The following B4GALT3 variants were observed in gnomAD, a reference collection of about 807,000 sequenced individuals.
The protein encoded by B4GALT3 is beta-1,4-galactosyltransferase 3.
A neutral mutation model predicts 40.7 loss-of-function variants in B4GALT3; 29 were observed. That is an observed-to-expected ratio of 0.71 (90% CI 0.53 to 0.97). B4GALT3 has a LOEUF of 0.97. B4GALT3 is among the 50% of genes least tolerant of loss of function. The probability of loss-of-function intolerance (pLI) is 0.00; values close to 1 mark genes in which losing one functional copy is unlikely to be tolerated. For missense variants in B4GALT3, 390 were observed against 522.3 expected (o/e 0.75, Z 2.47); for synonymous variants, 182 against 203.9 (o/e 0.89, Z 0.92).
Position 161,176,420 on chromosome 1 carries a change from A to G in B4GALT3, c.-15+14T>C. 1 of 400,306 alleles carries G rather than the reference A, an allele frequency of 2.5e-6. No homozygotes were observed. The highest frequency in any genetic ancestry group is 4.6e-6 in the Non-Finnish European group (1 of 217,444). The allele number at this position is 400,306 out of a possible 1,614,324, so 24.8% of individuals were successfully genotyped here. ...CCCCCTCTTCCAATTTTAGAAGGGA[A>G]GAGATAGACTCACCTAGGTTCAAGC... On this transcript the variant is annotated intron_variant, in intron 2 of 7. Coordinates refer to ENST00000319769, the MANE Select transcript of B4GALT3 (RefSeq NM_003779.4).
intron 1 of B4GALT3, chr1:161,176,894 G>T: frequency 6.5e-7 from 1 of 1,536,238 alleles, no homozygotes; most frequent in South Asian, 1.2e-5. Context: ...CAGGACCGTG[G>T]AGTGGCCTAA....
intron 1 of B4GALT3, 158 bp from the exon 2 acceptor site, chr1:161,176,737 C>G: frequency 1.2e-6 from 1 of 833,768 alleles, no homozygotes; most frequent in Non-Finnish European, 1.9e-6. Context: ...CCCGTGCTAC[C>G]CTGGAATGAT....
chr1:161,175,042 G>A lies in B4GALT3; in HGVS notation c.440C>T (p.Pro147Leu). ...HLRLLLYHLH[P>L]FLQRQQLAYG... ...AGCAAGCTGCTGGCGCTGCAAGAAGGGGTGCAGGTGGTAGAGCAGCAGGCG... is the reference window on the plus strand; with the variant it reads ...AGCAAGCTGCTGGCGCTGCAAGAAGAGGTGCAGGTGGTAGAGCAGCAGGCG... The change falls in exon 4 of 8, where the codon CCC becomes CTC. Residue 147 changes from proline to leucine, a missense_variant. Physicochemically the swap from Pro to Leu is moderately conservative, Grantham distance 98. Coordinates refer to ENST00000319769, the MANE Select transcript of B4GALT3 (RefSeq NM_003779.4). 1.2e-6 allele frequency: 2 copies of A among 1,614,018 alleles called. No individual in the cohort carries two copies. The highest frequency in any genetic ancestry group is 1.7e-6 in the Non-Finnish European group (2 of 1,179,966).
At chr1:161,172,479 G>A in intron 6 of B4GALT3, 148 bp from the exon 7 acceptor site, 1 of 668,426 alleles carries the variant, frequency 1.5e-6, no homozygotes, top group Non-Finnish European at 2.5e-6. Flanking sequence ...CAGAAAGAAG[G>A]AAATGGCTGA....
At chr1:161,175,608 A>G (rs146832614) in intron 3 of B4GALT3, among the ~76,000 whole-genome samples, 200 bp downstream of exon 3, 3 of 152,222 alleles carry the variant, frequency 2.0e-5, no homozygotes, top group South Asian at 2.1e-4. Flanking sequence ...TGGAAACCCA[A>G]TAGTCTAATC....
At chr1:161,176,780 C>G in intron 1 of B4GALT3, 1 of 1,375,302 alleles carries the variant, frequency 7.3e-7, no homozygotes, top group South Asian at 1.3e-5. Context: ...CACCCCCGTA[C>G]CCCCACCCCA....
rs1187906528 is a variant in B4GALT3 at position 161,176,050 on chromosome 1, C to T, written c.11G>A (p.Arg4Lys). Residue 4 changes from arginine to lysine, a missense_variant, in exon 3 of 8, where the codon AGG becomes AAG. Arg to Lys is a conservative substitution (Grantham distance 26). Transcript: ENST00000319769. MLRRLLERPCTLAL... is the reference protein window; with the variant it reads MLRKLLERPCTLAL... ...CAGCGTGCAAGGCCGCTCCAGCAGC[C>T]TCCGCAACATCCTGGGGGTGAGATC... 1.9e-6 allele frequency: 3 copies of T among 1,614,046 alleles called. No homozygotes were observed. Among genetic ancestry groups the T allele is most frequent in the Non-Finnish European group, 2.5e-6 (3 of 1,179,990 alleles).
intron 2 of B4GALT3, 113 bp from the exon 3 acceptor site, chr1:161,176,187 CAA>C (rs1663448768): frequency 8.2e-7 from 1 of 1,222,006 alleles, no homozygotes; most frequent in Non-Finnish European, 1.1e-6. Context: ...AAGCAGAAAA[CAA>C]AGTCACAGAA....
intron 4 of B4GALT3, among the ~76,000 whole-genome samples, chr1:161,174,554 A>C (rs897514858): frequency 6.6e-6 from 1 of 152,204 alleles, no homozygotes; most frequent in Non-Finnish European, 1.5e-5. Context: ...TATGGACCTG[A>C]TACTTAAGAT....
intron 4 of B4GALT3, among the ~76,000 whole-genome samples, chr1:161,174,409 AAAAAAAAAG>A (rs1025219187): frequency 2.6e-5 from 4 of 152,050 alleles, no homozygotes; most frequent in Non-Finnish European, 2.9e-5. Context: ...TCTCAAAAAA[AAAAAAAAAG>A]AAAAAAAAGA....
At chr1:161,175,648 T>C (rs1483275624) in intron 3 of B4GALT3, among the ~76,000 whole-genome samples, 160 bp downstream of exon 3, 1 of 152,130 alleles carries the variant, frequency 6.6e-6, no homozygotes, top group Non-Finnish European at 1.5e-5. Flanking sequence ...CTACTCTATC[T>C]CAACCTCAGC....
At chr1:161,174,782 G>A in intron 4 of B4GALT3, 1 of 546,750 alleles carries the variant, frequency 1.8e-6, no homozygotes, top group Non-Finnish European at 3.2e-6. Flanking sequence ...AATCACAGGA[G>A]AGTGTAGGAC....
rs767892217 is a variant in B4GALT3, at chr1:161,171,705, C to A, written c.*111G>T. On this transcript the variant is annotated 3_prime_UTR_variant, in exon 8 of 8. Transcript: ENST00000319769. ...GAGAGGCCCCTACCCCCTAGCACGGCACCAGAGTTCAGTTCCCTCACATCC... is the reference window on the plus strand; with the variant it reads ...GAGAGGCCCCTACCCCCTAGCACGGAACCAGAGTTCAGTTCCCTCACATCC... The A allele has an allele frequency of 1.3e-5, 19 of 1,455,726 alleles. No homozygotes were observed. Among genetic ancestry groups the A allele is most frequent in the Non-Finnish European group, 1.7e-5 (18 of 1,072,210 alleles). 90.2% of individuals were successfully genotyped at this position (1,455,726 alleles called of 1,614,324 possible). A position where few individuals can be genotyped will look rare whatever the true frequency, so the allele number is the denominator to read the frequency against.
At chr1:161,172,435 C>T in intron 6 of B4GALT3, 104 bp from the exon 7 acceptor site, 1 of 968,452 alleles carries the variant, frequency 1.0e-6, no homozygotes, top group East Asian at 2.7e-5. Flanking sequence ...ACTTAGTAGG[C>T]AAAAGAAAAA....
chr1:161,174,341 G>C (rs1412853705), intron 4 of B4GALT3, among the ~76,000 whole-genome samples: 1 of 151,324 alleles, frequency 6.6e-6, no homozygotes, highest in Non-Finnish European at 1.5e-5. Flanking sequence ...CCGGGAGGTG[G>C]AGCTTGCAGT....
intron 2 of B4GALT3, 179 bp from the exon 3 acceptor site, chr1:161,176,253 C>T (rs896361621): frequency 1.9e-5 from 13 of 697,864 alleles, no homozygotes; most frequent in African/African-American, 1.4e-4. Context: ...CCACCAGTAA[C>T]CCTACCACCT....
At chr1:161,174,776 A>G in intron 4 of B4GALT3, 1 of 550,190 alleles carries the variant, frequency 1.8e-6, no homozygotes, top group Non-Finnish European at 3.2e-6. Context: ...AGAAAAAATC[A>G]CAGGAGAGTG....
chr1:161,175,287 T>A, intron 3 of B4GALT3, 59 bp from the exon 4 acceptor site: 1 of 1,487,904 alleles, frequency 6.7e-7, no homozygotes, highest in Non-Finnish European at 9.3e-7. Context: ...AGAATCAAAC[T>A]AGGGTTTGGG....
rs3813619 is a variant in B4GALT3, at chr1:161,174,011, G to A, written c.528C>T (p.Asn176=). The A allele has an allele frequency of 0.063, 102,326 of 1,613,968 alleles. 3,373 individuals carry two copies. The highest frequency in any genetic ancestry group is 0.084 in the South Asian group (7,674 of 91,072). ...NGTFNRAKLL[N]VGVREALRDE... ...CACGCAGGGCCTCTCGCACCCCAAC[G>A]TTCAACAGTTTTGCCCTGTTAAATG... Residue 176 remains asparagine (N), a synonymous_variant, in exon 5 of 8, where the codon AAC becomes AAT. Coordinates refer to ENST00000319769, the MANE Select transcript of B4GALT3 (RefSeq NM_003779.4).
Sources: allele counts gnomAD v4.1 joint callset (sites outside exome capture counted in the v4.1 genomes callset), GRCh38; gene constraint gnomAD v4.1.1; transcripts MANE v1.5; gene names NCBI Gene and HGNC (gene_info 2026-07-23, HGNC 2026-07-21).